Variants in NTMT2 observed in about 807,000 individuals in gnomAD.
NTMT2 encodes N-terminal Xaa-Pro-Lys N-methyltransferase 2, also known as X-Pro-Lys N-terminal protein methyltransferase 1B.
A neutral mutation model predicts 23.4 loss-of-function variants in NTMT2; 21 were observed. The observed-to-expected ratio is 0.90, with a 90% CI of 0.64 to 1.29. The LOEUF (loss-of-function observed/expected upper bound fraction) is 1.29. Among genes scored for constraint, NTMT2 ranks in the 50% most tolerant of loss-of-function variants. NTMT2 has a pLI of 0.00. For synonymous variants in NTMT2, 131 were observed against 127.7 expected, an observed-to-expected ratio of 1.03 and a Z score of -0.17; for missense variants, 336 against 352.0, an observed-to-expected ratio of 0.95 and a Z score of 0.36.
chr1:170,164,040 T>C (rs543678601), intron 2 of NTMT2, among the ~76,000 whole-genome samples: 34 of 149,402 alleles, frequency 2.3e-4, no homozygotes, highest in Non-Finnish European at 4.6e-4. Flanking sequence ...GAGAATCACT[T>C]GAACCCGGGA....
chr1:170,167,138 G>A (rs1178434116), intron 3 of NTMT2, among the ~76,000 whole-genome samples: 1 of 152,196 alleles, frequency 6.6e-6, no homozygotes, highest in Non-Finnish European at 1.5e-5. Context: ...TGAGACAGCA[G>A]TGAATTTGAT....
At chr1:170,157,689 G>C (rs567228823) in intron 1 of NTMT2, among the ~76,000 whole-genome samples, 1 of 152,054 alleles carries the variant, frequency 6.6e-6, no homozygotes, top group Non-Finnish European at 1.5e-5. Context: ...AGTGAAATAG[G>C]TATTTTTCTC....
chr1:170,166,140 C>CTTTTTTT (rs3040077), intron 2 of NTMT2, among the ~76,000 whole-genome samples: 1 of 67,792 alleles, frequency 1.5e-5, no homozygotes, highest in African/African-American at 4.5e-5. Context: ...TTTTTTTTTT[C>CTTTTTTT]TTTTTTTTTT....
At chr1:170,148,310 G>A (rs557504869) in intron 1 of NTMT2, among the ~76,000 whole-genome samples, 21 of 149,386 alleles carry the variant, frequency 1.4e-4, no homozygotes, top group African/African-American at 5.3e-4. Flanking sequence ...TACCATGCCC[G>A]GCTATTTTTT....
rs199970325 is a variant in NTMT2 at position 170,167,625 on chromosome 1, G to A, written c.720G>A (p.Arg240=). The A allele has an allele frequency of 4.1e-5, 63 of 1,551,570 alleles. 1 individual carries two copies. Among genetic ancestry groups the A allele is most frequent in the African/African-American group, 5.5e-5 (4 of 73,044 alleles). Residue 240 remains arginine, a synonymous_variant, in exon 4 of 4, where the codon CGG becomes CGA. Coordinates refer to ENST00000439373, the MANE Select transcript of NTMT2 (RefSeq NM_001136107.2). ...ILDLSDSSVT[R]DMDILRSLIR... ...ATCTCTCTGACAGCAGTGTGACTCG[G>A]GACATGGACATCCTCCGGAGCCTAA...
chr1:170,159,938 C>A (rs1441194808), intron 1 of NTMT2, among the ~76,000 whole-genome samples: 1 of 152,108 alleles, frequency 6.6e-6, no homozygotes, highest in Non-Finnish European at 1.5e-5. Flanking sequence ...AGAATGGCTG[C>A]ACAATAAATA....
intron 1 of NTMT2, among the ~76,000 whole-genome samples, chr1:170,147,148 T>C (rs1672978843): frequency 1.3e-5 from 2 of 152,224 alleles, no homozygotes; most frequent in South Asian, 4.1e-4. Context: ...ATTCTTTGTA[T>C]TGCATTCAAG....
At chr1:170,166,967 C>T (rs1439831710) in intron 3 of NTMT2, among the ~76,000 whole-genome samples, 6 of 152,194 alleles carry the variant, frequency 3.9e-5, no homozygotes, top group African/African-American at 1.4e-4. Flanking sequence ...GGAGGATTTA[C>T]GTTGGTTCTC....
In NTMT2 at chr1:170,146,143, C is replaced by A; in HGVS notation, c.36C>A (p.Ser12=). The A allele has an allele frequency of 6.4e-7, 1 of 1,551,236 alleles. No individual in the cohort carries two copies. The highest frequency in any genetic ancestry group is 8.7e-7 in the Non-Finnish European group (1 of 1,146,782). The change falls in exon 1 of 4, where the codon TCC becomes TCA. Residue 12 remains serine (S), a synonymous_variant. Coordinates refer to ENST00000439373, the MANE Select transcript of NTMT2 (RefSeq NM_001136107.2). ...GGGGAGCCCATTTTGCCTTTAGATC[C>A]CGCTGGCAGAAGACCGACGATGAAC... ...AHRGAHFAFR[S]RWQKTDDELC... is the part of the protein sequence containing the mutation.
rs1419131348 is a variant in NTMT2, at chr1:170,167,754, C to T, written c.849C>T (p.Ser283=). The T allele has an allele frequency of 6.5e-7, 1 of 1,546,770 alleles. No individual in the cohort carries two copies. Among genetic ancestry groups the T allele is most frequent in the African/African-American group, 1.4e-5 (1 of 72,922 alleles). ...WMFALHSDRH[S] is the part of the protein sequence containing the mutation. The stretch of plus-strand genomic sequence containing the variant: ...TCGCACTGCACAGCGACAGACACTC[C>T]TGAAAAAGCAGTGGGAATGAACGAC... The change falls in exon 4 of 4, where the codon TCC becomes TCT. Residue 283 remains serine (S), a synonymous_variant. Coordinates refer to ENST00000439373, the MANE Select transcript of NTMT2 (RefSeq NM_001136107.2).
chr1:170,146,316 T>G, intron 1 of NTMT2, 55 bp downstream of exon 1: 6 of 1,495,454 alleles, frequency 4.0e-6, no homozygotes, highest in Admixed American at 2.1e-5. Context: ...TGGGATTGCA[T>G]GAGGTCATGG....
intron 1 of NTMT2, among the ~76,000 whole-genome samples, chr1:170,159,429 T>G: frequency 6.7e-6 from 1 of 149,868 alleles, no homozygotes; most frequent in Admixed American, 6.7e-5. Flanking sequence ...TGGTTTTTTT[T>G]TTTTTTTTTT....
chr1:170,148,850 G>A (rs954244508), intron 1 of NTMT2, among the ~76,000 whole-genome samples: 1 of 152,136 alleles, frequency 6.6e-6, no homozygotes, highest in African/African-American at 2.4e-5. Context: ...AAATAGAGCA[G>A]CCAAAGTTTT....
In NTMT2 at chr1:170,168,852, T is replaced by C. The variant is rs1024575065; in HGVS notation, c.*1095T>C. Among the ~76,000 whole-genome samples, 1 of 152,230 alleles carries C rather than the reference T, an allele frequency of 6.6e-6. No homozygotes were observed. Among genetic ancestry groups the C allele is most frequent in the Admixed American group, 6.5e-5 (1 of 15,286 alleles). ...AGCTGGACATTGGTTTAATTAAAAA[T>C]AATCTAAAATCATTCAAAAAATGTA... is the stretch of plus-strand genomic sequence containing the variant. On this transcript the variant is annotated 3_prime_UTR_variant, in exon 4 of 4. Transcript: ENST00000439373.
chr1:170,165,180 C>T (rs1673355777), intron 2 of NTMT2, among the ~76,000 whole-genome samples: 1 of 152,114 alleles, frequency 6.6e-6, no homozygotes, highest in Non-Finnish European at 1.5e-5. Context: ...ACCGCTTCAG[C>T]AGCCATCCCA....
chr1:170,149,326 A>T (rs759580146), intron 1 of NTMT2, among the ~76,000 whole-genome samples: 27 of 152,252 alleles, frequency 1.8e-4, no homozygotes, highest in Non-Finnish European at 3.7e-4. Context: ...AGGAATCTGC[A>T]TGTAAGTCTT....
chr1:170,157,514 T>TG (rs1248151640), intron 1 of NTMT2, among the ~76,000 whole-genome samples: 1 of 152,132 alleles, frequency 6.6e-6, no homozygotes, highest in Non-Finnish European at 1.5e-5. Context: ...AGTTGGAAAA[T>TG]GCTGATGTAA....
Position 170,166,232 on chromosome 1 carries a change from A to G in NTMT2, c.331-270A>G, listed in dbSNP as rs574805829. Among the ~76,000 whole-genome samples the G allele has an allele frequency of 1.5e-4, 20 of 136,758 alleles. No individual in the cohort carries two copies. In the South Asian group the frequency reaches 4.5e-3, roughly 31 times the overall value. The allele number at this position is 136,758 out of a possible 152,430, so 89.7% of individuals were successfully genotyped here. ...TCGGCTCACTGCAAGCTCCGCTTCC[A>G]GGGTTCACGCCATTCTCCTGCCTCA... On this transcript the variant is annotated intron_variant, in intron 2 of 3. Coordinates refer to ENST00000439373, the MANE Select transcript of NTMT2 (RefSeq NM_001136107.2).
Position 170,167,928 on chromosome 1 carries a change from G to C in NTMT2, c.*171G>C, listed in dbSNP as rs1673430146. ...TACATGTTTTCAGTGATTATATAAT[G>C]CACACACTCTGATGAGACATGCACA... On this transcript the variant is annotated 3_prime_UTR_variant, in exon 4 of 4. Transcript: ENST00000439373. The C allele has an allele frequency of 2.8e-6, 2 of 711,484 alleles. 1 individual carries two copies. Among genetic ancestry groups the C allele is most frequent in the South Asian group, 4.1e-5 (2 of 48,570 alleles). The allele number at this position is 711,484 out of a possible 1,614,324, so 44.1% of individuals were successfully genotyped here. A position where few individuals can be genotyped will look rare whatever the true frequency, so the allele number is the denominator to read the frequency against.
Sources: allele counts gnomAD v4.1 joint callset (sites outside exome capture counted in the v4.1 genomes callset), GRCh38; gene constraint gnomAD v4.1.1; transcripts MANE v1.5; gene names NCBI Gene and HGNC (gene_info 2026-07-23, HGNC 2026-07-21).